Variants in EPB41L4B observed in about 807,000 individuals in gnomAD.
EPB41L4B encodes band 4.1-like protein 4B.
A neutral mutation model predicts 112.5 loss-of-function variants in EPB41L4B; 30 were observed. The ratio of observed to expected loss-of-function variants is 0.27; its 90% CI spans 0.20 to 0.36. The LOEUF (loss-of-function observed/expected upper bound fraction) is 0.36. EPB41L4B is among the 10% of genes least tolerant of loss of function. EPB41L4B has a pLI of 1.00. For synonymous variants in EPB41L4B, 408 were observed against 439.7 expected, an observed-to-expected ratio of 0.93 and a Z score of 0.90; for missense variants, 1,024 against 1,133.3, an observed-to-expected ratio of 0.90 and a Z score of 1.38.
chr9:109,317,214 CTT>C (rs1296565177), intron 1 of EPB41L4B, among the ~76,000 whole-genome samples: 1 of 152,180 alleles, frequency 6.6e-6, no homozygotes, highest in East Asian at 1.9e-4. Flanking sequence ...CTACTTTTCT[CTT>C]TATTATATAC....
chr9:109,246,548 G>A (rs1420566087), intron 14 of EPB41L4B, among the ~76,000 whole-genome samples: 1 of 152,232 alleles, frequency 6.6e-6, no homozygotes, highest in Admixed American at 6.5e-5. Context: ...ATGGTGGGAA[G>A]AAATTATGGG....
intron 15 of EPB41L4B, among the ~76,000 whole-genome samples, chr9:109,228,039 T>C (rs540952272): frequency 1.3e-5 from 2 of 152,360 alleles, no homozygotes; most frequent in South Asian, 2.1e-4. Context: ...CCAGTAGTTA[T>C]TCCTAATTTT....
intron 1 of EPB41L4B, among the ~76,000 whole-genome samples, chr9:109,297,964 G>C (rs768808580): frequency 2.0e-5 from 3 of 152,138 alleles, no homozygotes; most frequent in South Asian, 2.1e-4. Context: ...TATAACTAAG[G>C]CATCACTATC....
chr9:109,228,947 T>C (rs78104904), intron 15 of EPB41L4B, among the ~76,000 whole-genome samples: 5,876 of 152,322 alleles, frequency 0.039, 142 homozygotes, highest in Middle Eastern at 0.068. Flanking sequence ...CTATTTTCTA[T>C]GACATTTTGA....
rs754485728 is a variant in EPB41L4B, at chr9:109,251,463, G to A, written c.1310+18C>T. The A allele has an allele frequency of 1.2e-6, 2 of 1,611,504 alleles. No individual in the cohort carries two copies. The highest frequency in any genetic ancestry group is 1.7e-6 in the Non-Finnish European group (2 of 1,177,568). ...CCTTAGAGAGGAGAGCTGTGCTCTA[G>A]AGCTCAAGGACACTCACCAGAGCTG... On this transcript the variant is annotated intron_variant, in intron 13 of 25. Transcript: ENST00000374566.
intron 2 of EPB41L4B, among the ~76,000 whole-genome samples, chr9:109,279,372 A>T (rs1370795718): frequency 6.6e-6 from 1 of 151,894 alleles, no homozygotes; most frequent in Non-Finnish European, 1.5e-5. Flanking sequence ...ACATGCCACC[A>T]TGCCTGGCTA....
chr9:109,220,052 C>T (rs557614655), intron 15 of EPB41L4B, among the ~76,000 whole-genome samples: 46 of 152,364 alleles, frequency 3.0e-4, no homozygotes, highest in Non-Finnish European at 5.3e-4. Context: ...ACACCTGAAG[C>T]TGGCATTACC....
intron 20 of EPB41L4B, among the ~76,000 whole-genome samples, chr9:109,197,914 C>T (rs965410418): frequency 1.3e-5 from 2 of 151,250 alleles, no homozygotes; most frequent in Non-Finnish European, 2.9e-5. Flanking sequence ...TTGTTTCAAA[C>T]ATGATTACAT....
At chr9:109,230,812 T>TA (rs938678604) in intron 15 of EPB41L4B, among the ~76,000 whole-genome samples, 13 of 152,040 alleles carry the variant, frequency 8.6e-5, no homozygotes, top group South Asian at 8.3e-4. Flanking sequence ...GTCTTATATC[T>TA]AAAAAAAAGA....
chr9:109,267,217 A>T (rs1210398093), intron 4 of EPB41L4B, among the ~76,000 whole-genome samples: 1 of 152,220 alleles, frequency 6.6e-6, no homozygotes, highest in Non-Finnish European at 1.5e-5. Context: ...CAACCAATTA[A>T]TTTACCCAGG....
chr9:109,212,266 C>T (rs1396717401), intron 17 of EPB41L4B, among the ~76,000 whole-genome samples: 1 of 152,148 alleles, frequency 6.6e-6, no homozygotes, highest in Non-Finnish European at 1.5e-5. Context: ...CCATTAAAAC[C>T]ATTTATTGTG....
At chr9:109,277,809 T>C (rs1481810632) in intron 2 of EPB41L4B, among the ~76,000 whole-genome samples, 2 of 151,970 alleles carry the variant, frequency 1.3e-5, no homozygotes, top group African/African-American at 4.8e-5. Flanking sequence ...GAGACCGCTG[T>C]GGGCCAAGCC....
chr9:109,296,954 C>T (rs1200215070), intron 1 of EPB41L4B, among the ~76,000 whole-genome samples: 4 of 151,672 alleles, frequency 2.6e-5, no homozygotes, highest in South Asian at 2.1e-4. Flanking sequence ...CTGTATCACA[C>T]CCCCCACCCC....
intron 14 of EPB41L4B, 34 bp downstream of exon 14, chr9:109,247,722 T>C (rs1588168949): frequency 7.4e-7 from 1 of 1,342,324 alleles, no homozygotes; most frequent in South Asian, 2.0e-5. Context: ...AAATTTTCCT[T>C]CTTTAAAGAA....
intron 1 of EPB41L4B, among the ~76,000 whole-genome samples, chr9:109,285,141 C>T (rs919702741): frequency 6.6e-6 from 1 of 152,248 alleles, no homozygotes; most frequent in Non-Finnish European, 1.5e-5. Flanking sequence ...GCCCCAAATC[C>T]AACCCATTCC....
At chr9:109,295,344 C>A (rs564303882) in intron 1 of EPB41L4B, among the ~76,000 whole-genome samples, 1 of 152,156 alleles carries the variant, frequency 6.6e-6, no homozygotes. Context: ...TAGAAGATTG[C>A]TGAGGGATAC....
At chr9:109,271,579 C>CA (rs1835621763) in intron 2 of EPB41L4B, among the ~76,000 whole-genome samples, 2 of 152,164 alleles carry the variant, frequency 1.3e-5, no homozygotes, top group Admixed American at 1.3e-4. Context: ...AACGCTGGGG[C>CA]AATGAAAGCC....
chr9:109,230,838 A>G (rs1374778057), intron 15 of EPB41L4B, among the ~76,000 whole-genome samples: 1 of 152,024 alleles, frequency 6.6e-6, no homozygotes, highest in African/African-American at 2.4e-5. Flanking sequence ...GAGAAGGTTG[A>G]CTCTACTTCA....
chr9:109,217,210 T>C (rs1269983809), intron 15 of EPB41L4B, 65 bp from the exon 16 acceptor site: 11 of 1,471,342 alleles, frequency 7.5e-6, no homozygotes, highest in Non-Finnish European at 9.5e-6. Context: ...CTGTGTACTT[T>C]CAAAGACGTT....
Sources: gnomAD v4.1 joint callset for allele counts (sites outside exome capture counted in the v4.1 genomes callset) on GRCh38, gnomAD v4.1.1 for gene constraint, MANE v1.5 for transcripts, NCBI Gene and HGNC (gene_info 2026-07-23, HGNC 2026-07-21) for gene names.